CYP2J2: variants seen among roughly 807,000 people sequenced by gnomAD.
The protein encoded by CYP2J2 is cytochrome P450 family 2 subfamily J member 2, also known as cytochrome P450 2J2.
CYP2J2 carries 41 observed loss-of-function variants against 48.8 expected under a neutral mutation model. The observed-to-expected ratio is 0.84, with a 90% CI of 0.66 to 1.09. The LOEUF is 1.09. Ranked by LOEUF, CYP2J2 falls within the 50% of genes least tolerant of loss-of-function variation. CYP2J2 has a pLI of 0.00. For missense variants in CYP2J2, 644 were observed against 617.3 expected (o/e 1.04, Z -0.46); for synonymous variants, 221 against 227.1 (o/e 0.97, Z 0.24).
At chr1:59,967,288 A>G in the CYP2J2 span, among the ~76,000 whole-genome samples, 1 of 152,178 alleles carries the variant, frequency 6.6e-6, no homozygotes. Flanking sequence ...ATATACATCC[A>G]ATTTCCTCTT....
chr1:59,962,040 T>C, the CYP2J2 span, among the ~76,000 whole-genome samples: 1 of 152,022 alleles, frequency 6.6e-6, no homozygotes, highest in East Asian at 1.9e-4. Context: ...AAAAATAGAT[T>C]ATGGTGATGG....
chr1:59,958,865 A>C, the CYP2J2 span, among the ~76,000 whole-genome samples: 1 of 152,102 alleles, frequency 6.6e-6, no homozygotes, highest in African/African-American at 2.4e-5. Flanking sequence ...TGTTTTTAGT[A>C]TCCCATTCTC....
the CYP2J2 span, among the ~76,000 whole-genome samples, chr1:59,955,076 T>C: frequency 3.3e-5 from 5 of 151,706 alleles, no homozygotes; most frequent in Admixed American, 1.3e-4. Context: ...AGGCGGATGT[T>C]GCAGTGAGCC....
chr1:59,963,882 GA>G, the CYP2J2 span, among the ~76,000 whole-genome samples: 2 of 151,814 alleles, frequency 1.3e-5, no homozygotes, highest in East Asian at 1.9e-4. Context: ...CAGTTCACAT[GA>G]AAAATAAAAT....
chr1:59,963,552 A>G, the CYP2J2 span, among the ~76,000 whole-genome samples: 1 of 152,184 alleles, frequency 6.6e-6, no homozygotes, highest in Non-Finnish European at 1.5e-5. Flanking sequence ...ATTCCATTGT[A>G]TGTATATACT....
the CYP2J2 span, among the ~76,000 whole-genome samples, chr1:59,944,916 C>A: frequency 6.6e-6 from 1 of 151,828 alleles, no homozygotes; most frequent in South Asian, 2.1e-4. Context: ...GTAGTTGATA[C>A]TTTTCTTGTT....
intron 1 of CYP2J2, among the ~76,000 whole-genome samples, chr1:59,916,472 G>C (rs554671233): frequency 6.6e-6 from 1 of 152,204 alleles, no homozygotes; most frequent in African/African-American, 2.4e-5. Context: ...AGTGGCTTAC[G>C]CCTGTAATCC....
the CYP2J2 span, among the ~76,000 whole-genome samples, chr1:59,965,892 T>C: frequency 6.6e-6 from 1 of 152,120 alleles, no homozygotes; most frequent in Non-Finnish European, 1.5e-5. Flanking sequence ...CCTCAGGTGA[T>C]CCACCTGCCT....
At chr1:59,954,559 TTAA>T in the CYP2J2 span, among the ~76,000 whole-genome samples, 33 of 144,346 alleles carry the variant, frequency 2.3e-4, 1 homozygote, top group Admixed American at 2.9e-4. Flanking sequence ...AACATAATAC[TTAA>T]TAATATATCC....
intron 1 of CYP2J2, 109 bp from the exon 2 acceptor site, chr1:59,916,209 GTGTC>G (rs749425509): frequency 1.2e-5 from 10 of 848,322 alleles, no homozygotes; most frequent in South Asian, 1.7e-5. Flanking sequence ...GCGTGTGTCT[GTGTC>G]TGTGTGTGTA....
At chr1:59,924,580 T>C (rs1284021296) in intron 1 of CYP2J2, among the ~76,000 whole-genome samples, 2 of 152,116 alleles carry the variant, frequency 1.3e-5, no homozygotes. Context: ...TAGTAAAATT[T>C]TTACACTAAT....
chr1:59,958,455 G>A, the CYP2J2 span, among the ~76,000 whole-genome samples: 1 of 152,100 alleles, frequency 6.6e-6, no homozygotes, highest in African/African-American at 2.4e-5. Flanking sequence ...TTACAGTTCT[G>A]TTAACTGTTT....
At chr1:59,918,441 C>A (rs772142340) in intron 1 of CYP2J2, among the ~76,000 whole-genome samples, 2 of 152,128 alleles carry the variant, frequency 1.3e-5, no homozygotes, top group Non-Finnish European at 2.9e-5. Flanking sequence ...TCTGCCACTG[C>A]ATATTTCGAA....
intron 6 of CYP2J2, 110 bp from the exon 7 acceptor site, chr1:59,905,168 T>A (rs769343767): frequency 9.0e-6 from 10 of 1,111,820 alleles, no homozygotes; most frequent in Non-Finnish European, 1.0e-5. Flanking sequence ...AGTGACCAGG[T>A]TGCAAGAAAT....
chr1:59,958,654 C>CT, the CYP2J2 span, among the ~76,000 whole-genome samples: 2 of 152,056 alleles, frequency 1.3e-5, no homozygotes, highest in African/African-American at 4.8e-5. Flanking sequence ...AACTTACTCT[C>CT]TTTTTTTCCA....
At chr1:59,922,646 G>T (rs1644528055) in intron 1 of CYP2J2, among the ~76,000 whole-genome samples, 1 of 151,976 alleles carries the variant, frequency 6.6e-6, no homozygotes, top group African/African-American at 2.4e-5. Context: ...TACAACAAAG[G>T]TGCAGATCAA....
chr1:59,906,903 T>C (rs1201995295), intron 6 of CYP2J2, among the ~76,000 whole-genome samples: 3 of 152,220 alleles, frequency 2.0e-5, no homozygotes, highest in Non-Finnish European at 2.9e-5. Context: ...TCTATTTTTA[T>C]CTTAAGAAAA....
intron 2 of CYP2J2, among the ~76,000 whole-genome samples, 164 bp downstream of exon 2, chr1:59,915,774 A>C (rs952740253): frequency 6.6e-6 from 1 of 152,210 alleles, no homozygotes; most frequent in Non-Finnish European, 1.5e-5. Context: ...TCAGGGAGTG[A>C]CTTCAATCAG....
At chr1:59,947,431 C>T in the CYP2J2 span, among the ~76,000 whole-genome samples, 14 of 152,124 alleles carry the variant, frequency 9.2e-5, no homozygotes, top group African/African-American at 3.4e-4. Flanking sequence ...CCCAAGAGTG[C>T]AGTTAATTGG....
Sources: gnomAD v4.1 joint callset for allele counts (sites outside exome capture counted in the v4.1 genomes callset) on GRCh38, gnomAD v4.1.1 for gene constraint, MANE v1.5 for transcripts, NCBI Gene and HGNC (gene_info 2026-07-23, HGNC 2026-07-21) for gene names.